JAKMIP1: variants seen among roughly 807,000 people sequenced by gnomAD.
The protein encoded by JAKMIP1 is janus kinase and microtubule-interacting protein 1.
JAKMIP1 carries 33 observed loss-of-function variants against 113.0 expected under a neutral mutation model. The ratio of observed to expected loss-of-function variants is 0.29; its 90% CI spans 0.22 to 0.39. The LOEUF (loss-of-function observed/expected upper bound fraction) is 0.39. JAKMIP1 is among the 10% of genes least tolerant of loss of function. The pLI is 1.00. For synonymous variants in JAKMIP1, 480 were observed against 459.9 expected (o/e 1.04, Z -0.56); for missense variants, 813 against 1,080.5 (o/e 0.75, Z 3.47).
rs771686052 is a variant in JAKMIP1 at position 6,042,266 on chromosome 4, A to T, written c.2029-39T>A. On this transcript the variant is annotated intron_variant, in intron 16 of 20. Coordinates refer to ENST00000409021, the MANE Select transcript of JAKMIP1 (RefSeq NM_001099433.2). This position sits in a 1 kb window ranked among gnomAD's most constrained non-coding sequence, Gnocchi z 5.2. ...GGGACAGGACGGGTGCAGCAAAGTG[A>T]GAGTCAGAACCCAAGGGGCTGTGGA... The T allele has an allele frequency of 2.3e-5, 36 of 1,540,010 alleles. No homozygotes were observed. The highest frequency in any genetic ancestry group is 3.1e-5 in the Non-Finnish European group (34 of 1,113,360).
At chr4:6,079,533 T>C (rs1457606343) in intron 7 of JAKMIP1, among the ~76,000 whole-genome samples, 3 of 152,234 alleles carry the variant, frequency 2.0e-5, no homozygotes, top group Non-Finnish European at 4.4e-5. Flanking sequence ...CCCACTTTGG[T>C]GAGCAGAACA....
At chr4:6,191,891 C>G (rs941029313) in intron 1 of JAKMIP1, among the ~76,000 whole-genome samples, 1 of 147,242 alleles carries the variant, frequency 6.8e-6, no homozygotes, top group Non-Finnish European at 1.5e-5. Flanking sequence ...TTTTTTCATA[C>G]GTCTTCAAGC....
chr4:6,142,350 G>A lies in JAKMIP1; in HGVS notation c.-147-29353C>T, dbSNP rs1355128323. Among the ~76,000 whole-genome samples, 2 of 152,304 alleles carry A rather than the reference G, an allele frequency of 1.3e-5. No individual in the cohort carries two copies. The highest frequency in any genetic ancestry group is 2.1e-4 in the South Asian group (1 of 4,820). ...GGCAGGGGAAAGGGAGCCCCCGGGAGCTCTGTGCTTTAAAAGGGCAGTTTC... is the reference window on the plus strand; with the variant it reads ...GGCAGGGGAAAGGGAGCCCCCGGGAACTCTGTGCTTTAAAAGGGCAGTTTC... On this transcript the variant is annotated intron_variant, in intron 1 of 20. Transcript: ENST00000409021. This position sits in a 1 kb window ranked among gnomAD's most constrained non-coding sequence, Gnocchi z 5.5.
rs1031727614 is a variant in JAKMIP1, at chr4:6,088,752, C to CT, written c.625-3124dup. Among the ~76,000 whole-genome samples the CT allele has an allele frequency of 2.0e-5, 3 of 152,196 alleles. No homozygotes were observed. The highest frequency in any genetic ancestry group is 6.5e-5 in the Admixed American group (1 of 15,286). ...TTACTCCTGGATCACAAGCTGAGCT[C>CT]TTAGTGATCCTATCTCGCTGCCCTT... On this transcript the variant is annotated intron_variant, in intron 3 of 20. Coordinates refer to ENST00000409021, the MANE Select transcript of JAKMIP1 (RefSeq NM_001099433.2). This position sits in a 1 kb window ranked among gnomAD's most constrained non-coding sequence, Gnocchi z 5.5.
rs1057049569 is a variant in JAKMIP1, at chr4:6,097,260, G to A, written c.624+8213C>T. On this transcript the variant is annotated intron_variant, in intron 3 of 20. Transcript: ENST00000409021. This position sits in a 1 kb window ranked among gnomAD's most constrained non-coding sequence, Gnocchi z 4.3. ...AATCCTCCCACCTCAGCCTCCTGAT[G>A]TATTGGGATTACAGTCATGAGCCAT... Among the ~76,000 whole-genome samples, 5 of 152,182 alleles carry A rather than the reference G, an allele frequency of 3.3e-5. No homozygotes were observed. The highest frequency in any genetic ancestry group is 1.2e-4 in the African/African-American group (5 of 41,446).
At chr4:6,170,319 C>T (rs1724308287) in intron 1 of JAKMIP1, among the ~76,000 whole-genome samples, 2 of 147,878 alleles carry the variant, frequency 1.4e-5, no homozygotes, top group Middle Eastern at 3.6e-3. Flanking sequence ...ACCCTCTCCA[C>T]CATCACCACC....
At position 6,080,984 on chromosome 4, in the gene JAKMIP1, T is replaced by TACACACACACACACACACAC. The variant is rs71173403; in HGVS notation, c.1101+605_1101+624dup. ...GGAGAGGACTTCACACAACAGCAAT[T>TACACACACACACACACACAC]ACACACACACACACACACACACACA... On this transcript the variant is annotated intron_variant, in intron 6 of 20. Coordinates refer to ENST00000409021, the MANE Select transcript of JAKMIP1 (RefSeq NM_001099433.2). This position sits in a 1 kb window ranked among gnomAD's most constrained non-coding sequence, Gnocchi z 6.0. Among the ~76,000 whole-genome samples, 1,995 of 141,008 alleles carry TACACACACACACACACACAC rather than the reference T, an allele frequency of 0.014. 54 individuals are homozygous for TACACACACACACACACACAC. Among genetic ancestry groups the TACACACACACACACACACAC allele is most frequent in the African/African-American group, 0.04 (1,437 of 36,112 alleles). 92.5% of individuals were successfully genotyped at this position (141,008 alleles called of 152,430 possible).
Position 6,192,352 on chromosome 4 carries a change from G to A in JAKMIP1, c.-148+7901C>T, listed in dbSNP as rs1318685009. Among the ~76,000 whole-genome samples the A allele has an allele frequency of 6.6e-6, 1 of 152,174 alleles. No homozygotes were observed. The highest frequency in any genetic ancestry group is 1.5e-5 in the Non-Finnish European group (1 of 68,036). On this transcript the variant is annotated intron_variant, in intron 1 of 20. Coordinates refer to ENST00000409021, the MANE Select transcript of JAKMIP1 (RefSeq NM_001099433.2). The surrounding 1 kb of genome is among the most constrained non-coding windows in gnomAD (Gnocchi z 5.0). ...CAGCTCAGCTCCAGGAGGTCCCCTG[G>A]TGGCCTCAGGACAAGTGTATGAGTC...
At chr4:6,149,100 G>A (rs1053842651) in intron 1 of JAKMIP1, among the ~76,000 whole-genome samples, 2 of 152,148 alleles carry the variant, frequency 1.3e-5, no homozygotes, top group Admixed American at 1.3e-4. Context: ...CACTGACTTC[G>A]GCCACAGCCT....
intron 8 of JAKMIP1, among the ~76,000 whole-genome samples, chr4:6,068,801 C>A (rs1718538878): frequency 6.6e-6 from 1 of 152,054 alleles, no homozygotes. Context: ...AACTCTTGAC[C>A]TCAAGTGATC....
At chr4:6,165,681 T>C (rs1258042700) in intron 1 of JAKMIP1, among the ~76,000 whole-genome samples, 1 of 152,176 alleles carries the variant, frequency 6.6e-6, no homozygotes, top group Non-Finnish European at 1.5e-5. Context: ...TACAACAGAG[T>C]GTAAACATAA....
Position 6,155,635 on chromosome 4 carries a change from C to T in JAKMIP1, c.-147-42638G>A, listed in dbSNP as rs1265634281. Among the ~76,000 whole-genome samples the T allele has an allele frequency of 3.9e-5, 6 of 152,212 alleles. No individual in the cohort carries two copies. Among genetic ancestry groups the T allele is most frequent in the Non-Finnish European group, 8.8e-5 (6 of 68,040 alleles). ...GCATATTCAGCTGCAGGGACATGCA[C>T]GGATGTGCTGTTTACAACAAGGAAA... On this transcript the variant is annotated intron_variant, in intron 1 of 20. Transcript: ENST00000409021. This position sits in a 1 kb window ranked among gnomAD's most constrained non-coding sequence, Gnocchi z 6.1.
rs4689339 is a variant in JAKMIP1 at position 6,116,274 on chromosome 4, A to G, written c.-147-3277T>C. On this transcript the variant is annotated intron_variant, in intron 1 of 20. Coordinates refer to ENST00000409021, the MANE Select transcript of JAKMIP1 (RefSeq NM_001099433.2). The surrounding 1 kb of genome is among the most constrained non-coding windows in gnomAD (Gnocchi z 5.1). ...TGGCTGCGGGCTGCCCAAAGGTCTC[A>G]TCAGCAGGAGCAACAGCAGGGAACT... is the stretch of plus-strand genomic sequence containing the variant. Among the ~76,000 whole-genome samples, 122,564 of 151,970 alleles carry G rather than the reference A, an allele frequency of 0.81. 49,747 individuals are homozygous for G. The highest frequency in any genetic ancestry group is 1 in the East Asian group (5,131 of 5,156).
rs1005914338 is a variant in JAKMIP1 at position 6,179,338 on chromosome 4, G to A, written c.-148+20915C>T. Among the ~76,000 whole-genome samples the A allele has an allele frequency of 6.6e-6, 1 of 152,120 alleles. No homozygotes were observed. The highest frequency in any genetic ancestry group is 1.5e-5 in the Non-Finnish European group (1 of 68,028). On this transcript the variant is annotated intron_variant, in intron 1 of 20. Coordinates refer to ENST00000409021, the MANE Select transcript of JAKMIP1 (RefSeq NM_001099433.2). The surrounding 1 kb of genome is among the most constrained non-coding windows in gnomAD (Gnocchi z 4.5). ...CATGGTGGTTGAGAGGCTTAAAGAGGAACCTAAAGCACCTGCTCAGGTGAG... is the reference window on the plus strand; with the variant it reads ...CATGGTGGTTGAGAGGCTTAAAGAGAAACCTAAAGCACCTGCTCAGGTGAG...
chr4:6,034,489 A>C (rs1713143190), intron 19 of JAKMIP1, among the ~76,000 whole-genome samples: 1 of 152,140 alleles, frequency 6.6e-6, no homozygotes, highest in Non-Finnish European at 1.5e-5. Flanking sequence ...AGGCCATGGT[A>C]CCCAGATATT....
chr4:6,137,322 C>T lies in JAKMIP1; in HGVS notation c.-147-24325G>A, dbSNP rs553212052. On this transcript the variant is annotated intron_variant, in intron 1 of 20. Coordinates refer to ENST00000409021, the MANE Select transcript of JAKMIP1 (RefSeq NM_001099433.2). The surrounding 1 kb of genome is among the most constrained non-coding windows in gnomAD (Gnocchi z 4.5). ...CAGCCACAGTGGCTGCAAGACGGCA[C>T]GCGCTGGCATTTTCCTAACAGACGG... 6.6e-6 allele frequency among the ~76,000 whole-genome samples: 1 copy of T among 152,164 alleles called. No homozygotes were observed. The highest frequency in any genetic ancestry group is 2.4e-5 in the African/African-American group (1 of 41,442).
intron 19 of JAKMIP1, among the ~76,000 whole-genome samples, chr4:6,032,095 T>C (rs1712759719): frequency 6.6e-6 from 1 of 152,178 alleles, no homozygotes; most frequent in Non-Finnish European, 1.5e-5. Context: ...ATGTAGCAGC[T>C]GTTGGGCTCT....
chr4:6,037,570 G>T (rs1325628426), intron 18 of JAKMIP1, among the ~76,000 whole-genome samples: 1 of 140,134 alleles, frequency 7.1e-6, no homozygotes, highest in East Asian at 2.2e-4. Flanking sequence ...CATCACCGAG[G>T]CAGAGGATAA....
Position 6,155,554 on chromosome 4 carries a change from T to C in JAKMIP1, c.-147-42557A>G, listed in dbSNP as rs1722129646. 6.6e-6 allele frequency among the ~76,000 whole-genome samples: 1 copy of C among 152,216 alleles called. No homozygotes were observed. Among genetic ancestry groups the C allele is most frequent in the Admixed American group, 6.5e-5 (1 of 15,286 alleles). ...ACTCCTAACTGGCTCTGAAAACTTC[T>C]AAACGCCCAGCGCTGCTACCTGATT... is the stretch of plus-strand genomic sequence containing the variant. On this transcript the variant is annotated intron_variant, in intron 1 of 20. Coordinates refer to ENST00000409021, the MANE Select transcript of JAKMIP1 (RefSeq NM_001099433.2). The surrounding 1 kb of genome is among the most constrained non-coding windows in gnomAD (Gnocchi z 6.1).
Sources: gnomAD v4.1 joint callset for allele counts (sites outside exome capture counted in the v4.1 genomes callset) on GRCh38, gnomAD v4.1.1 for gene constraint, Gnocchi (gnomAD v3.1) non-coding constraint, MANE v1.5 for transcripts, NCBI Gene and HGNC (gene_info 2026-07-23, HGNC 2026-07-21) for gene names.